CPEB4: variants seen among roughly 807,000 people sequenced by gnomAD.
CPEB4 encodes the protein cytoplasmic polyadenylation element-binding protein 4.
Under a neutral mutation model 72.5 loss-of-function variants are expected in CPEB4, and 12 were observed. The ratio of observed to expected loss-of-function variants is 0.17; its 90% CI spans 0.11 to 0.27. CPEB4 has a LOEUF of 0.27. Among genes scored for constraint, CPEB4 ranks in the 10% least tolerant of loss-of-function variants. CPEB4 has a pLI of 1.00. For missense variants in CPEB4, 614 were observed against 908.5 expected (o/e 0.68, Z 4.17); for synonymous variants, 302 against 326.3 (o/e 0.93, Z 0.80).
chr5:173,960,750 G>A lies in CPEB4; in HGVS notation c.*4613G>A, dbSNP rs1329769033. ...TTGATTTGTGGCCACACTACCAAAG[G>A]GCTTGAAAACAAGTCTCTTTTGACT... is the stretch of plus-strand genomic sequence containing the variant. On this transcript the variant is annotated 3_prime_UTR_variant, in exon 10 of 10. Transcript: ENST00000265085. 1 of 152,056 alleles carries A rather than the reference G, an allele frequency of 6.6e-6. No homozygotes were observed. Among genetic ancestry groups the A allele is most frequent in the African/African-American group, 2.4e-5 (1 of 41,384 alleles). The allele number at this position is 152,056 out of a possible 1,614,324, so 9.4% of individuals were successfully genotyped here.
chr5:173,948,830 T>C (rs1473023134), intron 5 of CPEB4, among the ~76,000 whole-genome samples: 1 of 152,128 alleles, frequency 6.6e-6, no homozygotes, highest in East Asian at 1.9e-4. Flanking sequence ...GAAGGGTCTC[T>C]CCAGAGCCTC....
Position 173,889,576 on chromosome 5 carries a change from A to T in CPEB4, c.-158A>T, listed in dbSNP as rs1755729123. 1.7e-6 allele frequency: 1 copy of T among 581,962 alleles called. No homozygotes were observed. 36.0% of individuals were successfully genotyped at this position (581,962 alleles called of 1,614,324 possible). ...TTCAGAGACCAGAATTCCAAATCAGAACAATTTAAGGTGATAAGCTGCGAT... is the reference window on the plus strand; with the variant it reads ...TTCAGAGACCAGAATTCCAAATCAGTACAATTTAAGGTGATAAGCTGCGAT... On this transcript the variant is annotated 5_prime_UTR_variant, in exon 1 of 10. Transcript: ENST00000265085.
At chr5:173,928,418 A>G (rs1022219652) in intron 2 of CPEB4, among the ~76,000 whole-genome samples, 32 of 152,142 alleles carry the variant, frequency 2.1e-4, no homozygotes, top group Non-Finnish European at 4.4e-5. Context: ...GATATCAGAA[A>G]TCTCTGTATC....
At position 173,890,384 on chromosome 5, in the gene CPEB4, C is replaced by A; in HGVS notation, c.651C>A (p.Gly217=). The change falls in exon 1 of 10, where the codon GGC becomes GGA. Residue 217 remains glycine, a synonymous_variant. Transcript: ENST00000265085. ...FQNFPHHVSP[G]FGGSFSPQIG... ...ATTTCCCCCATCATGTCAGCCCTGG[C>A]TTTGGAGGCAGCTTCTCTCCTCAGA... 6.2e-7 allele frequency: 1 copy of A among 1,614,164 alleles called. No homozygotes were observed. Among genetic ancestry groups the A allele is most frequent in the Non-Finnish European group, 8.5e-7 (1 of 1,180,032 alleles).
intron 1 of CPEB4, among the ~76,000 whole-genome samples, chr5:173,892,272 C>T (rs190685394): frequency 1.1e-4 from 6 of 53,478 alleles, no homozygotes; most frequent in South Asian, 6.0e-4. Context: ...CTTCTAAAAA[C>T]GATTTTTTTT....
chr5:173,953,254 T>C lies in CPEB4; in HGVS notation c.1944T>C (p.His648=). 1.2e-6 allele frequency: 2 copies of C among 1,601,428 alleles called. No homozygotes were observed. The highest frequency in any genetic ancestry group is 1.7e-6 in the Non-Finnish European group (2 of 1,172,786). Reference sequence around the variant, plus strand: ...GTGCCCGCTTTGTTCAGCTGCAGCATGGAGAGATAGATAAACGGGTAAGCC... The same window carrying C: ...GTGCCCGCTTTGTTCAGCTGCAGCACGGAGAGATAGATAAACGGGTAAGCC... ...AISARFVQLQ[H]GEIDKRVEVK... is the part of the protein sequence containing the mutation. The change falls in exon 9 of 10, where the codon CAT becomes CAC. Residue 648 remains histidine, a synonymous_variant. Transcript: ENST00000265085.
intron 4 of CPEB4, among the ~76,000 whole-genome samples, chr5:173,943,542 A>T (rs1043422841): frequency 6.6e-6 from 1 of 152,184 alleles, no homozygotes; most frequent in African/African-American, 2.4e-5. Context: ...TAAATTTCAA[A>T]CATTTGGGGG....
In CPEB4 at chr5:173,888,840, C is replaced by A. The variant is rs1755701129; in HGVS notation, c.-894C>A. ...CCAGGTCGCCCCCTCGGTCCCCGCA[C>A]CCCCAGGCCGCCCGCTCACCCTCGT... On this transcript the variant is annotated 5_prime_UTR_variant, in exon 1 of 10. Transcript: ENST00000265085. This position sits in a 1 kb window ranked among gnomAD's most constrained non-coding sequence, Gnocchi z 4.3. 3.4e-6 allele frequency: 1 copy of A among 295,044 alleles called. No homozygotes were observed. The highest frequency in any genetic ancestry group is 1.6e-4 in the South Asian group (1 of 6,220). The allele number at this position is 295,044 out of a possible 1,614,324, so 18.3% of individuals were successfully genotyped here. A position where few individuals can be genotyped will look rare whatever the true frequency, so the allele number is the denominator to read the frequency against.
rs568711351 is a variant in CPEB4 at position 173,898,061 on chromosome 5, A to G, written c.1125+7203A>G. Among the ~76,000 whole-genome samples, 4 of 152,300 alleles carry G rather than the reference A, an allele frequency of 2.6e-5. No homozygotes were observed. The East Asian group carries it at 5.8e-4, about 22-fold the overall frequency. On this transcript the variant is annotated intron_variant, in intron 1 of 9. Transcript: ENST00000265085. Reference sequence around the variant, plus strand: ...TTTAAGCTGTACAAGCGCATTTTATATTGTAGGTTATTTTGGTTGGGCAAT... The same window carrying G: ...TTTAAGCTGTACAAGCGCATTTTATGTTGTAGGTTATTTTGGTTGGGCAAT...
chr5:173,948,461 A>C (rs1758108847), intron 5 of CPEB4, among the ~76,000 whole-genome samples: 1 of 152,176 alleles, frequency 6.6e-6, no homozygotes, highest in African/African-American at 2.4e-5. Flanking sequence ...CTTAAGTTCA[A>C]GAACAGCCTG....
At chr5:173,954,382 T>C (rs1403355883) in intron 9 of CPEB4, among the ~76,000 whole-genome samples, 1 of 152,144 alleles carries the variant, frequency 6.6e-6, no homozygotes, top group Non-Finnish European at 1.5e-5. Context: ...ATGCCTACTT[T>C]GTTTGTTTGA....
intron 3 of CPEB4, among the ~76,000 whole-genome samples, chr5:173,937,132 T>G (rs1363027684): frequency 6.8e-6 from 1 of 147,766 alleles, no homozygotes; most frequent in Non-Finnish European, 1.5e-5. Context: ...AGCCTCCATC[T>G]CCCAGGTTCA....
chr5:173,929,162 G>C (rs950395405), intron 2 of CPEB4, among the ~76,000 whole-genome samples: 1 of 152,172 alleles, frequency 6.6e-6, no homozygotes, highest in Non-Finnish European at 1.5e-5. Context: ...TAACTTATAA[G>C]GCCAAGGGAC....
rs762003853 is a variant in CPEB4, at chr5:173,961,639, C to A, written c.*5502C>A. The A allele has an allele frequency of 9.9e-5, 15 of 151,484 alleles. No homozygotes were observed. Among genetic ancestry groups the A allele is most frequent in the African/African-American group, 3.4e-4 (14 of 41,372 alleles). The allele number at this position is 151,484 out of a possible 1,614,324, so 9.4% of individuals were successfully genotyped here. ...AATTCTCTACCACACTCTTAACAAT[C>A]AAGTCATTTCATAACCCCTTTTGGT... is the stretch of plus-strand genomic sequence containing the variant. On this transcript the variant is annotated 3_prime_UTR_variant, in exon 10 of 10. Transcript: ENST00000265085.
intron 4 of CPEB4, among the ~76,000 whole-genome samples, chr5:173,943,366 A>C (rs1458107267): frequency 1.3e-5 from 2 of 152,202 alleles, no homozygotes; most frequent in Non-Finnish European, 2.9e-5. Flanking sequence ...AAAAATTAAG[A>C]ATCTTTAAAA....
Position 173,961,763 on chromosome 5 carries a change from T to G in CPEB4, c.*5626T>G, listed in dbSNP as rs1189225238. On this transcript the variant is annotated 3_prime_UTR_variant, in exon 10 of 10. Transcript: ENST00000265085. Reference sequence around the variant, plus strand: ...TGGGAAATAGTTTGATCAAAAGTCATGGGGAAAGTAATCTCTGATTTTAAA... The same window carrying G: ...TGGGAAATAGTTTGATCAAAAGTCAGGGGGAAAGTAATCTCTGATTTTAAA... 6.6e-6 allele frequency: 1 copy of G among 151,636 alleles called. No individual in the cohort carries two copies. The highest frequency in any genetic ancestry group is 2.4e-5 in the African/African-American group (1 of 41,262). The allele number at this position is 151,636 out of a possible 1,614,324, so 9.4% of individuals were successfully genotyped here.
At chr5:173,898,719 C>T (rs1756115444) in intron 1 of CPEB4, among the ~76,000 whole-genome samples, 1 of 152,170 alleles carries the variant, frequency 6.6e-6, no homozygotes, top group South Asian at 2.1e-4. Flanking sequence ...TTCTGTTGCC[C>T]AGACTAGAGT....
In CPEB4 at chr5:173,951,891, C is replaced by A; in HGVS notation, c.1733C>A (p.Pro578Gln). Residue 578 changes from proline (P) to glutamine (Q), a missense_variant, in exon 8 of 10, where the codon CCA becomes CAA. Around this residue, in one of 5 missense-constraint regions of CPEB4, gnomAD observed 101 missense variants for 243.1 expected, o/e 0.42. Coordinates refer to ENST00000265085, the MANE Select transcript of CPEB4 (RefSeq NM_030627.4). ...ATGGATGGTTCACAGCCACTTGACC[C>A]ACGAAAAACTATATTTGTTGGTGGT... is the stretch of plus-strand genomic sequence containing the variant. ...FVMDGSQPLDPRKTIFVGGVP... is the reference protein window; with the variant it reads ...FVMDGSQPLDQRKTIFVGGVP... The A allele has an allele frequency of 6.2e-7, 1 of 1,613,812 alleles. No homozygotes were observed. The highest frequency in any genetic ancestry group is 8.5e-7 in the Non-Finnish European group (1 of 1,179,812).
rs956347293 is a variant in CPEB4 at position 173,959,682 on chromosome 5, C to G, written c.*3545C>G. On this transcript the variant is annotated 3_prime_UTR_variant, in exon 10 of 10. Coordinates refer to ENST00000265085, the MANE Select transcript of CPEB4 (RefSeq NM_030627.4). ...AGAAAAGAATCAGAAATCAATCTTT[C>G]TACTAATGTAAATTTGAGATTATTT... 6.6e-6 allele frequency: 1 copy of G among 152,622 alleles called. No homozygotes were observed. The highest frequency in any genetic ancestry group is 1.5e-5 in the Non-Finnish European group (1 of 67,988). The allele number at this position is 152,622 out of a possible 1,614,324, so 9.5% of individuals were successfully genotyped here.
Sources: allele counts gnomAD v4.1 joint callset (sites outside exome capture counted in the v4.1 genomes callset), GRCh38; gene constraint gnomAD v4.1.1; regional missense constraint gnomAD v4.1.1; non-coding constraint Gnocchi (gnomAD v3.1); transcripts MANE v1.5; gene names NCBI Gene and HGNC (gene_info 2026-07-23, HGNC 2026-07-21).